Variants in AMOTL1 observed in about 807,000 individuals in gnomAD.
AMOTL1 encodes the protein angiomotin like 1.
Under a neutral mutation model 102.9 loss-of-function variants are expected in AMOTL1, and 45 were observed. The observed-to-expected ratio is 0.44, with a 90% confidence interval of 0.34 to 0.56. The LOEUF (loss-of-function observed/expected upper bound fraction) is 0.56, where lower values mean the gene tolerates loss of function less well. AMOTL1 is among the 20% of genes least tolerant of loss of function. The probability of loss-of-function intolerance (pLI) is 0.01; values close to 1 mark genes in which losing one functional copy is unlikely to be tolerated. For synonymous variants in AMOTL1, 481 were observed against 484.7 expected, an observed-to-expected ratio of 0.99 and a Z score of 0.10; for missense variants, 1,114 against 1,225.6, an observed-to-expected ratio of 0.91 and a Z score of 1.36.
intron 2 of AMOTL1, among the ~76,000 whole-genome samples, chr11:94,798,784 G>A (rs56067398): frequency 0.23 from 35,247 of 152,000 alleles, 4,770 homozygotes; most frequent in East Asian, 0.47. Context: ...GGCCGAATTA[G>A]GAGAGCATTG....
upstream of AMOTL1, among the ~76,000 whole-genome samples, chr11:94,768,042 C>CA (rs1555066961): frequency 1.3e-5 from 2 of 152,146 alleles, no homozygotes; most frequent in African/African-American, 2.4e-5. Context: ...TTTTGGCCGG[C>CA]ATTGGGCTGG....
At chr11:94,786,756 A>T (rs546171859) in intron 1 of AMOTL1, among the ~76,000 whole-genome samples, 1 of 152,296 alleles carries the variant, frequency 6.6e-6, no homozygotes, top group East Asian at 1.9e-4. Context: ...TTTCCTGAGT[A>T]GTTTGAAGGG....
At chr11:94,809,064 G>C (rs764846394) in intron 3 of AMOTL1, among the ~76,000 whole-genome samples, 1 of 144,602 alleles carries the variant, frequency 6.9e-6, no homozygotes, top group Non-Finnish European at 1.5e-5. Context: ...TCTGCCTCCC[G>C]GGTTCAAGTG....
At chr11:94,853,401 T>C (rs1212573228) in intron 7 of AMOTL1, among the ~76,000 whole-genome samples, 1 of 152,184 alleles carries the variant, frequency 6.6e-6, no homozygotes, top group Non-Finnish European at 1.5e-5. Flanking sequence ...CATGTGGTGT[T>C]TAGTTTTCTG....
chr11:94,821,700 G>C lies in AMOTL1; in HGVS notation c.1292G>C (p.Gly431Ala). ...PPAASPSQQL[G>A]PDAFAIVERA... ...GCCGCCTCCCCCAGCCAGCAGCTTGGTCCAGATGCCTTTGCGATTGTGGAG... is the reference window on the plus strand; with the variant it reads ...GCCGCCTCCCCCAGCCAGCAGCTTGCTCCAGATGCCTTTGCGATTGTGGAG... Residue 431 changes from glycine to alanine, a missense_variant, in exon 4 of 13, where the codon GGT becomes GCT. Gly to Ala is a moderately conservative substitution (Grantham distance 60, BLOSUM62 0). Transcript: ENST00000433060. 6.2e-7 allele frequency: 1 copy of C among 1,614,018 alleles called. No individual in the cohort carries two copies. The highest frequency in any genetic ancestry group is 8.5e-7 in the Non-Finnish European group (1 of 1,179,898).
At chr11:94,734,833 A>G (rs994620131) in intron 2 of AMOTL1, among the ~76,000 whole-genome samples, 1 of 152,330 alleles carries the variant, frequency 6.6e-6, no homozygotes, top group African/African-American at 2.4e-5. Context: ...TCTGTCTTTC[A>G]TGCTTGAAAT....
intron 1 of AMOTL1, among the ~76,000 whole-genome samples, chr11:94,789,766 A>C (rs894715201): frequency 3.9e-5 from 6 of 152,234 alleles, no homozygotes; most frequent in African/African-American, 1.4e-4. Flanking sequence ...CTGCTGGCAC[A>C]CTCAGCAAAT....
intron 6 of AMOTL1, among the ~76,000 whole-genome samples, chr11:94,846,498 A>C (rs766229656): frequency 6.6e-6 from 1 of 152,268 alleles, no homozygotes; most frequent in Non-Finnish European, 1.5e-5. Flanking sequence ...TCACAGAACC[A>C]TAAGTGGAAG....
chr11:94,766,045 T>C (rs911730661), upstream of AMOTL1, among the ~76,000 whole-genome samples: 5 of 152,244 alleles, frequency 3.3e-5, no homozygotes, highest in Admixed American at 3.3e-4. Flanking sequence ...TTCCTATGAC[T>C]GGGCTCAAAG....
intron 1 of AMOTL1, among the ~76,000 whole-genome samples, chr11:94,724,696 A>G (rs913858054): frequency 6.6e-6 from 1 of 152,156 alleles, no homozygotes; most frequent in Non-Finnish European, 1.5e-5. Flanking sequence ...TTGTTTTTCT[A>G]TTCCATGTGT....
At chr11:94,772,849 A>C (rs1950973920) in intron 1 of AMOTL1, among the ~76,000 whole-genome samples, 1 of 152,216 alleles carries the variant, frequency 6.6e-6, no homozygotes, top group Non-Finnish European at 1.5e-5. Context: ...GTTTCTCTGC[A>C]ACCTCACTAG....
intron 4 of AMOTL1, among the ~76,000 whole-genome samples, 171 bp from the exon 5 acceptor site, chr11:94,829,879 G>A (rs1157202464): frequency 6.6e-6 from 1 of 152,208 alleles, no homozygotes; most frequent in Admixed American, 6.5e-5. Flanking sequence ...TCTTTAGAGA[G>A]CAGGTGGGGG....
In AMOTL1 at chr11:94,850,239, G is replaced by A. The variant is rs762457972; in HGVS notation, c.1774G>A (p.Val592Ile). ...GGCTTTGAGCAACGCCCAGGCCAGG[G>A]TCATCAAGCTGGAAGAGGAGGTGAG... Reference protein sequence around the residue: ...DQALSNAQARVIKLEEELREK... With the variant: ...DQALSNAQARIIKLEEELREK... Residue 592 changes from valine to isoleucine, a missense_variant, in exon 7 of 13, where the codon GTC (valine) becomes ATC (isoleucine). By Grantham distance (29) the Val-to-Ile change is conservative. Coordinates refer to ENST00000433060, the MANE Select transcript of AMOTL1 (RefSeq NM_130847.3). The A allele has an allele frequency of 2.4e-5, 38 of 1,595,666 alleles. No individual in the cohort carries two copies. The Middle Eastern group carries it at 8.3e-4, about 35-fold the overall frequency.
chr11:94,722,330 G>A (rs1950186729), intron 1 of AMOTL1, among the ~76,000 whole-genome samples: 1 of 152,098 alleles, frequency 6.6e-6, no homozygotes, highest in African/African-American at 2.4e-5. Flanking sequence ...TCCATGGAAT[G>A]CAGTCTGCAG....
intron 1 of AMOTL1, among the ~76,000 whole-genome samples, chr11:94,792,193 C>T (rs559033964): frequency 1.8e-4 from 28 of 152,136 alleles, no homozygotes; most frequent in Non-Finnish European, 2.6e-4. Context: ...AGCTAGAAAC[C>T]ATCATTCTGA....
intron 3 of AMOTL1, among the ~76,000 whole-genome samples, chr11:94,744,244 T>C (rs1311112846): frequency 6.6e-6 from 1 of 152,210 alleles, no homozygotes; most frequent in Non-Finnish European, 1.5e-5. Context: ...TAATTTACTT[T>C]AATAGCTTAG....
chr11:94,769,062 T>TG (rs1335899681), intron 1 of AMOTL1, among the ~76,000 whole-genome samples: 2 of 151,852 alleles, frequency 1.3e-5, no homozygotes, highest in African/African-American at 2.4e-5. Flanking sequence ...CTCTGGCGGG[T>TG]GGGGGCGACG....
intron 2 of AMOTL1, among the ~76,000 whole-genome samples, chr11:94,730,224 T>G (rs1950325983): frequency 6.6e-6 from 1 of 152,122 alleles, no homozygotes; most frequent in Non-Finnish European, 1.5e-5. Context: ...CCCCTCTAGA[T>G]TCATCTCCTG....
chr11:94,807,992 G>A (rs1001248360), intron 3 of AMOTL1, among the ~76,000 whole-genome samples: 2 of 125,102 alleles, frequency 1.6e-5, no homozygotes, highest in East Asian at 4.2e-4. Flanking sequence ...TAAATCTTGG[G>A]ACCCCAAAAT....
Sources: gnomAD v4.1 joint callset for allele counts (sites outside exome capture counted in the v4.1 genomes callset) on GRCh38, gnomAD v4.1.1 for gene constraint, MANE v1.5 for transcripts, NCBI Gene and HGNC (gene_info 2026-07-23, HGNC 2026-07-21) for gene names.